Variants in HEATR1 observed in about 807,000 individuals in gnomAD.
The protein encoded by HEATR1 is HEAT repeat containing 1.
In HEATR1, 77 loss-of-function variants were observed where a neutral mutation model predicts 248.2. The observed-to-expected ratio is 0.31, with a 90% confidence interval of 0.26 to 0.37. The LOEUF is 0.37. HEATR1 is among the 10% of genes least tolerant of loss of function. The probability of loss-of-function intolerance (pLI) is 1.00; values close to 1 mark genes in which losing one functional copy is unlikely to be tolerated. For missense variants in HEATR1, 2,420 were observed against 2,504.9 expected (o/e 0.97, Z 0.72); for synonymous variants, 897 against 923.1 (o/e 0.97, Z 0.51).
At chr1:236,556,585 G>C (rs954674646) in intron 37 of HEATR1, among the ~76,000 whole-genome samples, 1 of 152,212 alleles carries the variant, frequency 6.6e-6, no homozygotes, top group Non-Finnish European at 1.5e-5. Flanking sequence ...AAGCTCCTCA[G>C]AGCACAGGCC....
intron 12 of HEATR1, among the ~76,000 whole-genome samples, chr1:236,589,415 G>C (rs918927001): frequency 7.9e-5 from 12 of 152,098 alleles, no homozygotes; most frequent in Admixed American, 4.6e-4. Flanking sequence ...CATTCTCAAA[G>C]ATCTAAATGT....
chr1:236,559,593 C>T, intron 34 of HEATR1, 121 bp downstream of exon 34: 1 of 1,223,366 alleles, frequency 8.2e-7, no homozygotes, highest in South Asian at 1.7e-5. Context: ...TAAGAAAAAT[C>T]TGAGCTTCAT....
Position 236,596,016 on chromosome 1 carries a change from C to G in HEATR1, c.773G>C (p.Arg258Thr). 1 of 1,612,062 alleles carries G rather than the reference C, an allele frequency of 6.2e-7. No individual in the cohort carries two copies. Among genetic ancestry groups the G allele is most frequent in the Non-Finnish European group, 8.5e-7 (1 of 1,178,410 alleles). Residue 258 changes from arginine to threonine, a missense_variant, in exon 7 of 45, where the codon AGA (arginine) becomes ACA (threonine). Coordinates refer to ENST00000366582, the MANE Select transcript of HEATR1 (RefSeq NM_018072.6). Reference protein sequence around the residue: ...KGLKSSLPDYRAATYMIICQI... With the variant: ...KGLKSSLPDYTAATYMIICQI... ...ACATATTATCATGTATGTTGCAGCT[C>G]TGTAATCTGGTAAAGATGATTTCAA...
In HEATR1 at chr1:236,595,857, T is replaced by C; in HGVS notation, c.932A>G (p.Gln311Arg). The C allele has an allele frequency of 6.2e-7, 1 of 1,613,892 alleles. No homozygotes were observed. Among genetic ancestry groups the C allele is most frequent in the Non-Finnish European group, 8.5e-7 (1 of 1,179,790 alleles). ...CTTTTTCCCAAGGCTCTCTGGCTTC[T>C]GTCTCTGCAGGAGCACTATCAAGCA... Reference protein sequence around the residue: ...LSCLIVLLQRQKPESLGKKPF... With the variant: ...LSCLIVLLQRRKPESLGKKPF... The change falls in exon 7 of 45, where the codon CAG (glutamine) becomes CGG (arginine). Residue 311 changes from glutamine (Q) to arginine (R), a missense_variant. By Grantham distance (43) the Gln-to-Arg change is conservative. Coordinates refer to ENST00000366582, the MANE Select transcript of HEATR1 (RefSeq NM_018072.6).
intron 31 of HEATR1, among the ~76,000 whole-genome samples, chr1:236,565,306 G>A (rs1284333380): frequency 6.6e-6 from 1 of 152,146 alleles, no homozygotes; most frequent in Admixed American, 6.5e-5. Flanking sequence ...CTATCAACAC[G>A]TCAACCCTTT....
At position 236,554,726 on chromosome 1, in the gene HEATR1, C is replaced by T; in HGVS notation, c.5950G>A (p.Asp1984Asn). 2.5e-6 allele frequency: 4 copies of T among 1,611,374 alleles called. No individual in the cohort carries two copies. Among genetic ancestry groups the T allele is most frequent in the African/African-American group, 1.3e-5 (1 of 74,908 alleles). The change falls in exon 42 of 45, where the codon GAC becomes AAC. Residue 1984 changes from aspartate (D) to asparagine (N), a missense_variant. Coordinates refer to ENST00000366582, the MANE Select transcript of HEATR1 (RefSeq NM_018072.6). ...AACAGCAAGCAGCACTTTTCAGGGT[C>T]ATTTTCAGAGTCAAAAAATGCTTCA... The part of the protein sequence containing the change: ...TDEAFFDSEN[D>N]PEKCCLLLQF...
intron 1 of HEATR1, 51 bp downstream of exon 1, chr1:236,604,371 C>G (rs1402531474): frequency 3.1e-6 from 1 of 319,744 alleles, no homozygotes; most frequent in Non-Finnish European, 5.6e-6. Context: ...TACCCTCCCT[C>G]GATATGCCGC....
chr1:236,576,600 T>G lies in HEATR1; in HGVS notation c.2925+180A>C, dbSNP rs546020838. 2.0e-5 allele frequency among the ~76,000 whole-genome samples: 3 copies of G among 152,334 alleles called. No homozygotes were observed. In the East Asian group the frequency reaches 5.8e-4, roughly 29 times the overall value. On this transcript the variant is annotated intron_variant, in intron 21 of 44. Transcript: ENST00000366582. Reference sequence around the variant, plus strand: ...CAATGAAAAGAACTAAATTGAAATATGACATTGCTATCTTTTCAAAAGTAG... The same window carrying G: ...CAATGAAAAGAACTAAATTGAAATAGGACATTGCTATCTTTTCAAAAGTAG...
intron 14 of HEATR1, among the ~76,000 whole-genome samples, chr1:236,587,118 T>C (rs1178549707): frequency 6.6e-6 from 1 of 152,094 alleles, no homozygotes; most frequent in Non-Finnish European, 1.5e-5. Flanking sequence ...AATTAGAAAG[T>C]CCTACCCATC....
At chr1:236,570,714 A>T (rs1663403881) in intron 28 of HEATR1, among the ~76,000 whole-genome samples, 1 of 152,154 alleles carries the variant, frequency 6.6e-6, no homozygotes, top group South Asian at 2.1e-4. Context: ...CTGGATTATC[A>T]ACCCCTTTGA....
intron 20 of HEATR1, 35 bp from the exon 21 acceptor site, chr1:236,576,984 T>C: frequency 6.6e-7 from 1 of 1,512,352 alleles, no homozygotes. Context: ...TAAGAAACAA[T>C]TTTAAAAACT....
intron 4 of HEATR1, 71 bp downstream of exon 4, chr1:236,599,412 A>AT (rs940925358): frequency 6.3e-5 from 86 of 1,367,452 alleles, no homozygotes; most frequent in Non-Finnish European, 6.9e-5. Flanking sequence ...GCAATGACTT[A>AT]TTTTTTCCTA....
intron 20 of HEATR1, among the ~76,000 whole-genome samples, chr1:236,578,016 G>C (rs1663610692): frequency 6.6e-6 from 1 of 152,142 alleles, no homozygotes; most frequent in Non-Finnish European, 1.5e-5. Flanking sequence ...TTTACTTTTT[G>C]ATAGAGAAAT....
intron 4 of HEATR1, among the ~76,000 whole-genome samples, chr1:236,599,044 A>C (rs2102799126): frequency 6.6e-6 from 1 of 152,294 alleles, no homozygotes; most frequent in Non-Finnish European, 1.5e-5. Flanking sequence ...AGTTATCCTT[A>C]TCCTTTTAAT....
Position 236,554,646 on chromosome 1 carries a change from A to G in HEATR1, c.6030T>C (p.Phe2010=). 1.2e-6 allele frequency: 2 copies of G among 1,613,266 alleles called. No individual in the cohort carries two copies. Among genetic ancestry groups the G allele is most frequent in the East Asian group, 2.2e-5 (1 of 44,858 alleles). ...YKIFLFDTQH[F]ISKERAEALM... Reference sequence around the variant, plus strand: ...AGGCTTCTGCTCTCTCTTTACTTATAAAATGCTGGGTATCAAAAAGGAAGA... The same window carrying G: ...AGGCTTCTGCTCTCTCTTTACTTATGAAATGCTGGGTATCAAAAAGGAAGA... Residue 2010 remains phenylalanine (F), a synonymous_variant, in exon 42 of 45, where the codon TTT becomes TTC. Transcript: ENST00000366582.
intron 15 of HEATR1, 146 bp from the exon 16 acceptor site, chr1:236,586,087 T>A: frequency 1.6e-6 from 2 of 1,267,166 alleles, no homozygotes; most frequent in Non-Finnish European, 2.2e-6. Flanking sequence ...TGTCTATGAA[T>A]TGGCTTCCTT....
At chr1:236,554,379 A>G (rs190603789) in intron 42 of HEATR1, among the ~76,000 whole-genome samples, 2 of 152,334 alleles carry the variant, frequency 1.3e-5, no homozygotes, top group African/African-American at 4.8e-5. Flanking sequence ...GTGACAGAGC[A>G]AGACCCTGTC....
chr1:236,602,977 T>G (rs1664365327), intron 3 of HEATR1, 183 bp downstream of exon 3: 1 of 588,282 alleles, frequency 1.7e-6, no homozygotes, highest in Admixed American at 3.0e-5. Context: ...TAGTTCTACT[T>G]TTCACTATCA....
chr1:236,583,180 C>A lies in HEATR1; in HGVS notation c.2258G>T (p.Trp753Leu). ...VITAVEIPSE[W>L]HIELMLDRGI... Reference sequence around the variant, plus strand: ...TCTGTCTAACATCAGTTCAATGTGCCATTCTGAGGGGATTTCCTGAAATGT... The same window carrying A: ...TCTGTCTAACATCAGTTCAATGTGCAATTCTGAGGGGATTTCCTGAAATGT... The change falls in exon 18 of 45, where the codon TGG becomes TTG. Residue 753 changes from tryptophan (W) to leucine (L), a missense_variant. Physicochemically the swap from Trp to Leu is moderately conservative, Grantham distance 61 (BLOSUM62 -2). Transcript: ENST00000366582. The A allele has an allele frequency of 6.3e-7, 1 of 1,590,030 alleles. No homozygotes were observed. Among genetic ancestry groups the A allele is most frequent in the South Asian group, 1.1e-5 (1 of 87,544 alleles).
Sources: allele counts gnomAD v4.1 joint callset (sites outside exome capture counted in the v4.1 genomes callset), GRCh38; gene constraint gnomAD v4.1.1; transcripts MANE v1.5; gene names NCBI Gene and HGNC (gene_info 2026-07-23, HGNC 2026-07-21).